The following TUT4 variants were observed in gnomAD, a reference collection of about 807,000 sequenced individuals.
The protein encoded by TUT4 is terminal uridylyl transferase 4, also known as terminal uridylyltransferase 4.
Under a neutral mutation model 192.2 loss-of-function variants are expected in TUT4, and 36 were observed. The observed-to-expected ratio is 0.19, with a 90% CI of 0.14 to 0.25. The LOEUF is 0.25. Ranked by LOEUF, TUT4 falls within the 10% of genes least tolerant of loss-of-function variation. The pLI, the probability that TUT4 is intolerant of heterozygous loss-of-function variation, is 1.00. For missense variants in TUT4, 1,493 were observed against 1,957.2 expected (o/e 0.76, Z 4.47); for synonymous variants, 618 against 666.0 (o/e 0.93, Z 1.11).
intron 4 of TUT4, among the ~76,000 whole-genome samples, chr1:52,499,546 G>A (rs143140304): frequency 1.5e-4 from 23 of 152,024 alleles, no homozygotes; most frequent in African/African-American, 5.5e-4. Context: ...GACCAGCCTA[G>A]GCAACATGGT....
chr1:52,525,937 T>C lies in TUT4; in HGVS notation c.344A>G (p.Gln115Arg), dbSNP rs370257564. 2 of 1,614,054 alleles carry C rather than the reference T, an allele frequency of 1.2e-6. No homozygotes were observed. Among genetic ancestry groups the C allele is most frequent in the African/African-American group, 2.7e-5 (2 of 74,942 alleles). Residue 115 changes from glutamine to arginine, a missense_variant, in exon 2 of 30, where the codon CAG (glutamine) becomes CGG (arginine). By Grantham distance (43) the Gln-to-Arg change is conservative. Coordinates refer to ENST00000257177, the MANE Select transcript of TUT4 (RefSeq NM_001009881.3). ...ACTGGTTGCCTTTTCTGATTTTGCC[T>C]GTGAAATGGTTGCCTTTTCGGCTTT... ...PVKAEKATISQAKSEKATSLQ... is the reference protein window; with the variant it reads ...PVKAEKATISRAKSEKATSLQ...
At chr1:52,491,940 T>C (rs1225753599) in intron 7 of TUT4, among the ~76,000 whole-genome samples, 1 of 152,132 alleles carries the variant, frequency 6.6e-6, no homozygotes, top group Non-Finnish European at 1.5e-5. Context: ...CTGTAGAAGA[T>C]ACAGTAAGAA....
At position 52,474,882 on chromosome 1, in the gene TUT4, T is replaced by C. The variant is rs769566578; in HGVS notation, c.2677A>G (p.Thr893Ala). Residue 893 changes from threonine to alanine, a missense_variant, in exon 13 of 30, where the codon ACC becomes GCC. This residue lies in a region of TUT4 where 245 missense variants were observed against 218.4 expected (regional missense o/e 1.12). Transcript: ENST00000257177. ...TCAAACACATAATATAATTCCTGGG[T>C]GGGGAGGTTATCATCATCATTAAGG... ...SDLNDDDNLP[T>A]QELYYVFDKF... is the part of the protein sequence containing the mutation. 6.2e-7 allele frequency: 1 copy of C among 1,613,348 alleles called. No individual in the cohort carries two copies. Among genetic ancestry groups the C allele is most frequent in the Admixed American group, 1.7e-5 (1 of 59,954 alleles).
intron 3 of TUT4, among the ~76,000 whole-genome samples, chr1:52,511,663 G>C (rs997099816): frequency 6.6e-6 from 1 of 152,076 alleles, no homozygotes; most frequent in Non-Finnish European, 1.5e-5. Context: ...GAATGCCAAG[G>C]CCCTGAGGCA....
chr1:52,549,114 C>T (rs1688777933), intron 1 of TUT4, among the ~76,000 whole-genome samples: 1 of 152,206 alleles, frequency 6.6e-6, no homozygotes, highest in Middle Eastern at 3.4e-3. Context: ...GAAAAGAAGG[C>T]TTGCCTATCC....
chr1:52,492,405 GTAA>G (rs1671398482), intron 7 of TUT4, among the ~76,000 whole-genome samples: 1 of 152,102 alleles, frequency 6.6e-6, no homozygotes, highest in Non-Finnish European at 1.5e-5. Context: ...ATAATTTAGG[GTAA>G]TAATAACAAT....
At chr1:52,435,519 T>A in intron 26 of TUT4, 54 bp from the exon 27 acceptor site, 1 of 1,356,094 alleles carries the variant, frequency 7.4e-7, no homozygotes, top group South Asian at 1.2e-5. Context: ...AGCAGAGAAA[T>A]GACAATAAAT....
chr1:52,449,592 G>A (rs1404591498), intron 20 of TUT4, among the ~76,000 whole-genome samples: 1 of 152,114 alleles, frequency 6.6e-6, no homozygotes, highest in East Asian at 1.9e-4. Flanking sequence ...AAACCACTGC[G>A]ACTGGCCTAA....
intron 4 of TUT4, among the ~76,000 whole-genome samples, chr1:52,499,954 A>G (rs1673637244): frequency 6.6e-6 from 1 of 151,258 alleles, no homozygotes; most frequent in East Asian, 1.9e-4. Context: ...ATATACACAC[A>G]CACACATATA....
chr1:52,477,990 G>T, intron 11 of TUT4, 108 bp from the exon 12 acceptor site: 1 of 1,087,210 alleles, frequency 9.2e-7, no homozygotes, highest in Non-Finnish European at 1.3e-6. Context: ...ACTGAGACAT[G>T]AAGGAGTAAT....
chr1:52,510,317 CAAAAAAAA>C (rs200690805), intron 3 of TUT4, among the ~76,000 whole-genome samples: 8 of 78,606 alleles, frequency 1.0e-4, no homozygotes, highest in African/African-American at 2.7e-4. Context: ...TTCGTATTAA[CAAAAAAAA>C]AAAAAAAAAA....
At chr1:52,441,204 G>C (rs540953578) in intron 24 of TUT4, among the ~76,000 whole-genome samples, 6 of 151,420 alleles carry the variant, frequency 4.0e-5, no homozygotes, top group Middle Eastern at 3.5e-3. Context: ...TTGATACTAC[G>C]TACTGTCTCA....
At chr1:52,540,529 A>G (rs1483773954) in intron 1 of TUT4, among the ~76,000 whole-genome samples, 1 of 126,800 alleles carries the variant, frequency 7.9e-6, no homozygotes, top group East Asian at 1.9e-4. Flanking sequence ...AAAAAAAAAG[A>G]AAGAAAGAAA....
chr1:52,552,941 C>G lies in TUT4; in HGVS notation c.-104G>C, dbSNP rs958403865. On this transcript the variant is annotated 5_prime_UTR_variant, in exon 1 of 30. Transcript: ENST00000257177. ...GCCGGAACCTCGTACCTGCGAGGCC[C>G]GCGAGCTACAGGCGCGCGCGACGCC... 9.8e-5 allele frequency: 15 copies of G among 153,342 alleles called. No homozygotes were observed. Among genetic ancestry groups the G allele is most frequent in the South Asian group, 3.5e-4 (2 of 5,690 alleles). 9.5% of individuals were successfully genotyped at this position (153,342 alleles called of 1,614,324 possible). A position where few individuals can be genotyped will look rare whatever the true frequency, so the allele number is the denominator to read the frequency against.
At chr1:52,507,379 A>G (rs1038873620) in intron 4 of TUT4, among the ~76,000 whole-genome samples, 1 of 152,020 alleles carries the variant, frequency 6.6e-6, no homozygotes, top group Non-Finnish European at 1.5e-5. Context: ...CAACCTAGAA[A>G]CTCTCAAGCT....
chr1:52,497,657 T>C (rs930731482), intron 4 of TUT4, among the ~76,000 whole-genome samples: 15 of 152,176 alleles, frequency 9.9e-5, no homozygotes, highest in Non-Finnish European at 1.3e-4. Flanking sequence ...TGCGAAATGT[T>C]CAAAAAACCT....
intron 1 of TUT4, among the ~76,000 whole-genome samples, chr1:52,551,224 T>C (rs1031414132): frequency 2.0e-5 from 3 of 152,244 alleles, no homozygotes; most frequent in East Asian, 1.9e-4. Context: ...ACTTGGCCTA[T>C]GACAATGAAA....
rs1173511845 is a variant in TUT4 at position 52,525,704 on chromosome 1, T to C, written c.577A>G (p.Lys193Glu). 9.9e-6 allele frequency: 16 copies of C among 1,614,210 alleles called. No individual in the cohort carries two copies. The highest frequency in any genetic ancestry group is 1.3e-5 in the Non-Finnish European group (15 of 1,180,034). The change falls in exon 2 of 30, where the codon AAA (lysine) becomes GAA (glutamate). Residue 193 changes from lysine (K) to glutamate (E), a missense_variant. Around this residue, in one of 7 missense-constraint regions of TUT4, gnomAD observed 260 missense variants for 247.8 expected, o/e 1.05. Coordinates refer to ENST00000257177, the MANE Select transcript of TUT4 (RefSeq NM_001009881.3). ...CCCCCTACAGCTTCAATATTCACTTTGTCCACAGAAGTAAAGGAGCTTGGA... is the reference window on the plus strand; with the variant it reads ...CCCCCTACAGCTTCAATATTCACTTCGTCCACAGAAGTAAAGGAGCTTGGA... ...KIPSSFTSVD[K>E]VNIEAVGGEK...
At chr1:52,518,866 A>G (rs1679416054) in intron 2 of TUT4, among the ~76,000 whole-genome samples, 2 of 152,200 alleles carry the variant, frequency 1.3e-5, no homozygotes, top group Non-Finnish European at 2.9e-5. Context: ...GGATGATGAA[A>G]TTAGACACTA....
Sources: allele counts gnomAD v4.1 joint callset (sites outside exome capture counted in the v4.1 genomes callset), GRCh38; gene constraint gnomAD v4.1.1; regional missense constraint gnomAD v4.1.1; transcripts MANE v1.5; gene names NCBI Gene and HGNC (gene_info 2026-07-23, HGNC 2026-07-21).